Variants in MAGI2 observed in about 807,000 individuals in gnomAD.
The protein encoded by MAGI2 is membrane associated guanylate kinase, WW and PDZ domain containing 2.
A neutral mutation model predicts 133.3 loss-of-function variants in MAGI2; 35 were observed. The ratio of observed to expected loss-of-function variants is 0.26; its 90% CI spans 0.20 to 0.35. The LOEUF (loss-of-function observed/expected upper bound fraction) is 0.35, where lower values mean the gene tolerates loss of function less well. MAGI2 is among the 10% of genes least tolerant of loss of function. MAGI2 has a pLI of 1.00. For synonymous variants in MAGI2, 729 were observed against 710.6 expected, an observed-to-expected ratio of 1.03 and a Z score of -0.41; for missense variants, 1,636 against 1,863.4, an observed-to-expected ratio of 0.88 and a Z score of 2.25.
intron 9 of MAGI2, among the ~76,000 whole-genome samples, chr7:78,316,421 T>C (rs1000227512): frequency 3.3e-5 from 5 of 152,232 alleles, no homozygotes; most frequent in Non-Finnish European, 5.9e-5. Context: ...TTTAAGTTGA[T>C]TTCTACATGA....
At chr7:79,033,435 A>G (rs1214852407) in intron 1 of MAGI2, among the ~76,000 whole-genome samples, 1 of 152,210 alleles carries the variant, frequency 6.6e-6, no homozygotes, top group Non-Finnish European at 1.5e-5. Context: ...ATTTCAGAAT[A>G]AACATTTTAT....
chr7:78,397,401 C>T (rs1364969821), intron 6 of MAGI2, among the ~76,000 whole-genome samples: 1 of 110,666 alleles, frequency 9.0e-6, no homozygotes, highest in African/African-American at 3.4e-5. Context: ...ACACACACCC[C>T]TTGTCTTACA....
intron 9 of MAGI2, among the ~76,000 whole-genome samples, chr7:78,296,123 GTCAA>G (rs1185360348): frequency 3.3e-5 from 5 of 152,034 alleles, no homozygotes; most frequent in South Asian, 2.1e-4. Context: ...AGAGTCCATT[GTCAA>G]TCAGAGTATT....
At chr7:78,851,516 C>A (rs1333716100) in intron 2 of MAGI2, among the ~76,000 whole-genome samples, 3 of 152,146 alleles carry the variant, frequency 2.0e-5, no homozygotes, top group Non-Finnish European at 4.4e-5. Context: ...ACAATGGCAA[C>A]TCCCTGTATA....
intron 1 of MAGI2, among the ~76,000 whole-genome samples, chr7:79,336,306 C>T (rs1310142979): frequency 6.6e-6 from 1 of 152,048 alleles, no homozygotes; most frequent in Non-Finnish European, 1.5e-5. Context: ...GGATTTGAGG[C>T]TTATTCTGCC....
intron 6 of MAGI2, among the ~76,000 whole-genome samples, chr7:78,404,305 T>C (rs1455985838): frequency 6.6e-6 from 1 of 152,088 alleles, no homozygotes. Context: ...CCTCACAGAA[T>C]TGGAAAAAAC....
rs376035790 is a variant in MAGI2, at chr7:78,451,854, A to G, written c.1045+37907T>C. On this transcript the variant is annotated intron_variant, in intron 6 of 21. Transcript: ENST00000354212. The stretch of plus-strand genomic sequence containing the variant: ...AGGGTGACAGGCAGACTTTTCCCAC[A>G]TTATGGACCATGAACTTCCCTTTCT... 8.1e-4 allele frequency among the ~76,000 whole-genome samples: 124 copies of G among 152,214 alleles called. 3 individuals are homozygous for G. The South Asian group carries it at 0.025, about 30-fold the overall frequency.
At chr7:78,372,537 G>A (rs66733412) in intron 6 of MAGI2, among the ~76,000 whole-genome samples, 27,322 of 152,088 alleles carry the variant, frequency 0.18, 2,556 homozygotes, top group South Asian at 0.23. Context: ...ACTGATGAAA[G>A]AATAACATAC....
At chr7:78,346,498 C>CT (rs1015364047) in intron 7 of MAGI2, among the ~76,000 whole-genome samples, 4 of 152,272 alleles carry the variant, frequency 2.6e-5, no homozygotes, top group South Asian at 2.1e-4. Flanking sequence ...AGAGTCTGCA[C>CT]TTTTTAGAGT....
At chr7:78,090,455 T>C (rs1239020313) in intron 20 of MAGI2, among the ~76,000 whole-genome samples, 3 of 151,182 alleles carry the variant, frequency 2.0e-5, no homozygotes, top group Non-Finnish European at 4.4e-5. Flanking sequence ...AGAGGGAGAG[T>C]CTTTGGGGGA....
In MAGI2 at chr7:78,160,005, A is replaced by C. The variant is rs1007995656; in HGVS notation, c.2845+20T>G. The C allele has an allele frequency of 7.8e-6, 12 of 1,530,026 alleles. No homozygotes were observed. In the East Asian group the frequency reaches 2.8e-4, roughly 35 times the overall value. The allele number at this position is 1,530,026 out of a possible 1,614,324, so 94.8% of individuals were successfully genotyped here. On this transcript the variant is annotated intron_variant, in intron 16 of 21. Transcript: ENST00000354212. ...AAAACAAGACCCCTTATTCAAATGC[A>C]GGCAAATTTCAGCACTTACTTATAG...
At chr7:79,452,958 T>A (rs896853461) in intron 1 of MAGI2, 62 bp downstream of exon 1, 33 of 1,489,480 alleles carry the variant, frequency 2.2e-5, no homozygotes, top group Non-Finnish European at 2.9e-5. Context: ...CACCCTTTCA[T>A]TGCCCTGCGC....
chr7:78,075,826 G>C (rs566380943), intron 21 of MAGI2, among the ~76,000 whole-genome samples: 1 of 152,134 alleles, frequency 6.6e-6, no homozygotes, highest in Admixed American at 6.5e-5. Flanking sequence ...ATCACTTGAT[G>C]ACATTATCCT....
At chr7:78,304,895 A>G (rs1452905752) in intron 9 of MAGI2, among the ~76,000 whole-genome samples, 1 of 152,188 alleles carries the variant, frequency 6.6e-6, no homozygotes, top group Non-Finnish European at 1.5e-5. Context: ...GCCTGTGGCA[A>G]GGTCATGTTT....
intron 2 of MAGI2, among the ~76,000 whole-genome samples, chr7:78,724,655 A>T (rs1217153311): frequency 1.3e-5 from 2 of 152,152 alleles, no homozygotes; most frequent in Non-Finnish European, 2.9e-5. Flanking sequence ...TGCCTCTTTG[A>T]GGTGCCAGGA....
At chr7:79,337,556 T>A (rs375146529) in intron 1 of MAGI2, among the ~76,000 whole-genome samples, 6 of 152,206 alleles carry the variant, frequency 3.9e-5, no homozygotes, top group Non-Finnish European at 5.9e-5. Context: ...GGTTCAAGTT[T>A]GTGAACAAAA....
intron 1 of MAGI2, among the ~76,000 whole-genome samples, chr7:79,053,929 A>T (rs947451879): frequency 1.3e-5 from 2 of 152,082 alleles, no homozygotes; most frequent in African/African-American, 2.4e-5. Context: ...GGGAGCGGTG[A>T]CTCACACCTG....
At chr7:79,325,924 C>A (rs1182504874) in intron 1 of MAGI2, among the ~76,000 whole-genome samples, 1 of 152,070 alleles carries the variant, frequency 6.6e-6, no homozygotes, top group East Asian at 1.9e-4. Context: ...TGATAATTAA[C>A]CACATTGAGT....
chr7:78,551,902 G>A (rs1307121021), intron 3 of MAGI2, among the ~76,000 whole-genome samples: 3 of 152,024 alleles, frequency 2.0e-5, no homozygotes, highest in African/African-American at 7.2e-5. Context: ...GCGCCACCAC[G>A]CCCAGCTAAT....
Sources: gnomAD v4.1 joint callset for allele counts (sites outside exome capture counted in the v4.1 genomes callset) on GRCh38, gnomAD v4.1.1 for gene constraint, MANE v1.5 for transcripts, NCBI Gene and HGNC (gene_info 2026-07-23, HGNC 2026-07-21) for gene names.